URI1: variants seen among roughly 807,000 people sequenced by gnomAD.
The protein encoded by URI1 is URI1 prefoldin like chaperone, also known as unconventional prefoldin RPB5 interactor 1.
URI1 carries 39 observed loss-of-function variants against 60.2 expected under a neutral mutation model. The ratio of observed to expected loss-of-function variants is 0.65; its 90% confidence interval spans 0.50 to 0.85. The LOEUF is 0.85. URI1 is among the 40% of genes least tolerant of loss of function. The pLI, the probability that URI1 is intolerant of heterozygous loss-of-function variation, is 0.00. For synonymous variants in URI1, 251 were observed against 236.8 expected, an observed-to-expected ratio of 1.06 and a Z score of -0.55; for missense variants, 691 against 665.9, an observed-to-expected ratio of 1.04 and a Z score of -0.42.
Position 30,015,250 on chromosome 19 carries a change from T to G in URI1, c.*181T>G, listed in dbSNP as rs1018787394. On this transcript the variant is annotated 3_prime_UTR_variant, in exon 11 of 11. Transcript: ENST00000392271. The stretch of plus-strand genomic sequence containing the variant: ...AATCAAGGTAACTGTCTGAATACTT[T>G]AATATCAGCTTGTTTTGTGAATTCT... 7.1e-7 allele frequency: 1 copy of G among 1,414,966 alleles called. No homozygotes were observed. The allele number at this position is 1,414,966 out of a possible 1,614,324, so 87.7% of individuals were successfully genotyped here.
At chr19:29,993,352 C>T (rs2055769662) in intron 4 of URI1, among the ~76,000 whole-genome samples, 1 of 152,176 alleles carries the variant, frequency 6.6e-6, no homozygotes, top group South Asian at 2.1e-4. Context: ...TCACTGCACA[C>T]TACTTTCCCT....
chr19:30,009,868 G>A (rs958114240), intron 8 of URI1, among the ~76,000 whole-genome samples: 2 of 152,074 alleles, frequency 1.3e-5, no homozygotes, highest in Non-Finnish European at 1.5e-5. Context: ...TAGAATTTTG[G>A]CATTTTAGAG....
rs568661499 is a variant in URI1 at position 29,973,493 on chromosome 19, T to C, written c.152+2266T>C. Among the ~76,000 whole-genome samples, 105 of 152,232 alleles carry C rather than the reference T, an allele frequency of 6.9e-4. No homozygotes were observed. The Middle Eastern group carries it at 0.01, about 15-fold the overall frequency. On this transcript the variant is annotated intron_variant, in intron 2 of 10. Transcript: ENST00000392271. ...ACCAGTATAGTAAAGAAGAACAAAA[T>C]ATATGGTTTGAAAAATGCATTCTTA...
In URI1 at chr19:30,014,673, G is replaced by GT. The variant is rs200343242; in HGVS notation, c.1426-213dup. Reference sequence around the variant, plus strand: ...CATTTTACATTTTGTTTTCTTGCATGTATACTGTAAAAATTACTTCTGTTT... The same window carrying GT: ...CATTTTACATTTTGTTTTCTTGCATGTTATACTGTAAAAATTACTTCTGTTT... On this transcript the variant is annotated intron_variant, in intron 10 of 10. Coordinates refer to ENST00000392271, the MANE Select transcript of URI1 (RefSeq NM_003796.3). 9.2e-5 allele frequency among the ~76,000 whole-genome samples: 14 copies of GT among 151,916 alleles called. No individual in the cohort carries two copies. The East Asian group carries it at 2.7e-3, about 29-fold the overall frequency.
chr19:29,971,597 A>G (rs1161476564), intron 2 of URI1, among the ~76,000 whole-genome samples: 1 of 151,928 alleles, frequency 6.6e-6, no homozygotes, highest in African/African-American at 2.4e-5. Flanking sequence ...TTACTTTAAA[A>G]TAATGATGGA....
intron 1 of URI1, among the ~76,000 whole-genome samples, 172 bp downstream of exon 1, chr19:29,942,836 C>G (rs1207406888): frequency 1.3e-5 from 2 of 152,158 alleles, no homozygotes; most frequent in Non-Finnish European, 2.9e-5. Flanking sequence ...TTTGACTTCG[C>G]AGCGGAGTGA....
chr19:29,993,984 C>A (rs2055778744), intron 4 of URI1, among the ~76,000 whole-genome samples: 1 of 151,966 alleles, frequency 6.6e-6, no homozygotes, highest in Admixed American at 6.6e-5. Flanking sequence ...TTAGCCAGTC[C>A]TTTACTGATA....
At chr19:29,984,025 A>G (rs1213756232) in intron 2 of URI1, among the ~76,000 whole-genome samples, 1 of 152,168 alleles carries the variant, frequency 6.6e-6, no homozygotes, top group African/African-American at 2.4e-5. Flanking sequence ...CTGATGATGC[A>G]TTTTTCAGCC....
intron 4 of URI1, among the ~76,000 whole-genome samples, chr19:29,998,915 AT>A (rs914464872): frequency 1.3e-5 from 2 of 149,684 alleles, no homozygotes; most frequent in African/African-American, 2.5e-5. Flanking sequence ...TTTGTGTTTG[AT>A]TTTTTTTTAT....
chr19:29,934,498 T>A (rs2054951259), intron 1 of URI1, among the ~76,000 whole-genome samples: 1 of 152,186 alleles, frequency 6.6e-6, no homozygotes, highest in Non-Finnish European at 1.5e-5. Context: ...CAATCCCACG[T>A]GGTTTTTCTT....
intron 1 of URI1, 40 bp from the exon 2 acceptor site, chr19:29,971,153 G>A: frequency 6.2e-7 from 1 of 1,605,550 alleles, no homozygotes; most frequent in Non-Finnish European, 8.5e-7. Flanking sequence ...TCTGTGCATA[G>A]CTCTGTTTTT....
At chr19:29,936,742 C>T (rs997500492) in intron 1 of URI1, among the ~76,000 whole-genome samples, 2 of 151,952 alleles carry the variant, frequency 1.3e-5, no homozygotes, top group Non-Finnish European at 2.9e-5. Context: ...ATCTATCAGG[C>T]TCTGTTCATT....
intron 4 of URI1, 95 bp downstream of exon 4, chr19:29,986,512 C>T (rs567406100): frequency 7.7e-6 from 11 of 1,432,368 alleles, no homozygotes; most frequent in East Asian, 2.6e-5. Flanking sequence ...AAGTACCTTC[C>T]GTGATCTATG....
chr19:29,949,113 G>A (rs1017905656), intron 1 of URI1, among the ~76,000 whole-genome samples: 41 of 151,538 alleles, frequency 2.7e-4, no homozygotes, highest in Admixed American at 4.6e-4. Context: ...CTTCCCAGAC[G>A]GGGCAGCTGC....
chr19:30,004,747 C>T (rs751379600), intron 4 of URI1, among the ~76,000 whole-genome samples: 2 of 151,920 alleles, frequency 1.3e-5, no homozygotes, highest in African/African-American at 2.4e-5. Context: ...TTGCATTTGT[C>T]CAGTATTGGG....
At chr19:29,926,071 C>T (rs1465995439) in intron 1 of URI1, among the ~76,000 whole-genome samples, 1 of 151,786 alleles carries the variant, frequency 6.6e-6, no homozygotes, top group Non-Finnish European at 1.5e-5. Flanking sequence ...TCCTTCTTTC[C>T]TTCCTTCCTT....
At chr19:30,003,522 A>G (rs534984190) in intron 4 of URI1, among the ~76,000 whole-genome samples, 14 of 152,132 alleles carry the variant, frequency 9.2e-5, no homozygotes, top group Admixed American at 2.6e-4. Flanking sequence ...TAAAAATGGA[A>G]CTGTGCAATC....
At chr19:29,989,393 G>A (rs769987321) in intron 4 of URI1, among the ~76,000 whole-genome samples, 38 of 149,224 alleles carry the variant, frequency 2.5e-4, no homozygotes, top group Non-Finnish European at 4.7e-4. Context: ...GATTACAGGC[G>A]TGTGCCATTG....
At chr19:29,932,127 G>C (rs2054926238) in intron 1 of URI1, among the ~76,000 whole-genome samples, 1 of 151,838 alleles carries the variant, frequency 6.6e-6, no homozygotes, top group Non-Finnish European at 1.5e-5. Context: ...TCCTTGTCTT[G>C]TTCCCAATTT....
Sources: allele counts gnomAD v4.1 joint callset (sites outside exome capture counted in the v4.1 genomes callset), GRCh38; gene constraint gnomAD v4.1.1; transcripts MANE v1.5; gene names NCBI Gene and HGNC (gene_info 2026-07-23, HGNC 2026-07-21).